Variants in ZC3H14 observed in about 807,000 individuals in gnomAD.
ZC3H14 encodes the protein zinc finger CCCH domain-containing protein 14.
ZC3H14 carries 31 observed loss-of-function variants against 92.4 expected under a neutral mutation model. That is an observed-to-expected ratio of 0.34 (90% CI 0.25 to 0.45). ZC3H14 has a LOEUF of 0.45. Ranked by LOEUF, ZC3H14 falls within the 20% of genes least tolerant of loss-of-function variation. The pLI is 1.00. For synonymous variants in ZC3H14, 321 were observed against 300.9 expected (o/e 1.07, Z -0.69); for missense variants, 781 against 897.3 (o/e 0.87, Z 1.66).
In ZC3H14 at chr14:88,625,259, G is replaced by A. The variant is rs1595242464; in HGVS notation, c.*13508G>A. ...GAGCATGCATCGTGTAGTGGCAGCA[G>A]CACTGAATTCACGAGTCAGGAAACC... is the stretch of plus-strand genomic sequence containing the variant. On this transcript the variant is annotated 3_prime_UTR_variant, in exon 17 of 17. Coordinates refer to ENST00000251038, the MANE Select transcript of ZC3H14 (RefSeq NM_024824.5). The A allele has an allele frequency of 2.8e-6, 3 of 1,061,830 alleles. No individual in the cohort carries two copies. Among genetic ancestry groups the A allele is most frequent in the Admixed American group, 2.9e-5 (1 of 35,064 alleles). The allele number at this position is 1,061,830 out of a possible 1,614,324, so 65.8% of individuals were successfully genotyped here.
At chr14:88,597,824 A>G (rs1353769330) in intron 10 of ZC3H14, among the ~76,000 whole-genome samples, 1 of 152,110 alleles carries the variant, frequency 6.6e-6, no homozygotes, top group Non-Finnish European at 1.5e-5. Flanking sequence ...GCTCTTGTGC[A>G]TGTTTTCTCT....
In ZC3H14 at chr14:88,618,770, C is replaced by G; in HGVS notation, c.*7019C>G. The stretch of plus-strand genomic sequence containing the variant: ...TTAGGTCATAAAAATCCACTGAGTT[C>G]TCACTAGAACCTACTGCCAGATACC... On this transcript the variant is annotated 3_prime_UTR_variant, in exon 17 of 17. Transcript: ENST00000251038. 1 of 1,600,008 alleles carries G rather than the reference C, an allele frequency of 6.2e-7. No individual in the cohort carries two copies. Among genetic ancestry groups the G allele is most frequent in the East Asian group, 2.2e-5 (1 of 44,656 alleles).
At chr14:88,573,620 G>A (rs1405605814) in intron 6 of ZC3H14, 1 of 151,854 alleles carries the variant, frequency 6.6e-6, no homozygotes, top group African/African-American at 2.4e-5. Flanking sequence ...GCAAAGACAG[G>A]GTTTCACCGT....
rs1345417748 is a variant in ZC3H14, at chr14:88,601,983, C to A, written c.1414C>A (p.Pro472Thr). Residue 472 changes from proline to threonine, a missense_variant, in exon 11 of 17, where the codon CCA (proline) becomes ACA (threonine). Transcript: ENST00000251038. ...ADTRSFILKK[P>T]KLSEEVVVAP... ...CACAAGATCATTTATTCTGAAGAAG[C>A]CAAAGCTGTCTGAGGAAGTAGTAGT... The A allele has an allele frequency of 6.2e-7, 1 of 1,614,098 alleles. No homozygotes were observed. The highest frequency in any genetic ancestry group is 1.7e-5 in the Admixed American group (1 of 60,008).
intron 12 of ZC3H14, among the ~76,000 whole-genome samples, chr14:88,603,368 T>C (rs2084907961): frequency 1.3e-5 from 2 of 152,230 alleles, no homozygotes; most frequent in African/African-American, 2.4e-5. Context: ...TTGTATTTTC[T>C]TCAGAAACTG....
chr14:88,601,443 C>T (rs2084633931), intron 10 of ZC3H14, among the ~76,000 whole-genome samples: 2 of 152,124 alleles, frequency 1.3e-5, no homozygotes, highest in Admixed American at 6.6e-5. Context: ...AAGTAGTCCT[C>T]GGTTTATAAC....
At chr14:88,575,490 C>T (rs1015578325) in intron 7 of ZC3H14, among the ~76,000 whole-genome samples, 9 of 151,722 alleles carry the variant, frequency 5.9e-5, no homozygotes, top group South Asian at 2.1e-4. Flanking sequence ...ACCAGGAGTT[C>T]GAGACCAGCC....
At chr14:88,572,461 A>G (rs2080558967) in intron 5 of ZC3H14, 117 bp from the exon 6 acceptor site, 3 of 1,323,868 alleles carry the variant, frequency 2.3e-6, no homozygotes, top group Non-Finnish European at 1.1e-6. Context: ...TGAATGGAAT[A>G]TGTAAAGGGA....
At chr14:88,608,400 GT>G in intron 13 of ZC3H14, 1 of 413,936 alleles carries the variant, frequency 2.4e-6, no homozygotes, top group Non-Finnish European at 4.8e-6. Flanking sequence ...TCAGTTTAGT[GT>G]CTGTATCTTA....
At chr14:88,592,731 C>T (rs140116072) in intron 9 of ZC3H14, among the ~76,000 whole-genome samples, 70 of 151,976 alleles carry the variant, frequency 4.6e-4, no homozygotes, top group African/African-American at 1.6e-3. Context: ...GAACTCCTGA[C>T]CTCAAGTGAT....
rs766470708 is a variant in ZC3H14, at chr14:88,602,010, G to T, written c.1441G>T (p.Ala481Ser). The T allele has an allele frequency of 1.8e-5, 29 of 1,614,022 alleles. No individual in the cohort carries two copies. The highest frequency in any genetic ancestry group is 2.5e-5 in the Non-Finnish European group (29 of 1,180,020). Residue 481 changes from alanine (A) to serine (S), a missense_variant, in exon 11 of 17, where the codon GCA (alanine) becomes TCA (serine). Coordinates refer to ENST00000251038, the MANE Select transcript of ZC3H14 (RefSeq NM_024824.5). ...AAAGCTGTCTGAGGAAGTAGTAGTG[G>T]CACCAAACCAAGAGTCGGGGATGAA... ...KPKLSEEVVV[A>S]PNQESGMKTA...
intron 1 of ZC3H14, 54 bp from the exon 2 acceptor site, chr14:88,563,597 C>G (rs951198825): frequency 3.1e-6 from 5 of 1,605,582 alleles, no homozygotes; most frequent in Non-Finnish European, 4.3e-6. Context: ...AGAGTCCGGT[C>G]TTGTTTTCCT....
chr14:88,622,582 A>T lies in ZC3H14; in HGVS notation c.*10831A>T. On this transcript the variant is annotated 3_prime_UTR_variant, in exon 17 of 17. Coordinates refer to ENST00000251038, the MANE Select transcript of ZC3H14 (RefSeq NM_024824.5). ...CACTTTCTGTTTTCTGCTGCACTGT[A>T]TCAGCTCATGGAACATCTTACTTTG... is the stretch of plus-strand genomic sequence containing the variant. 6.4e-7 allele frequency: 1 copy of T among 1,564,228 alleles called. No homozygotes were observed. Among genetic ancestry groups the T allele is most frequent in the Non-Finnish European group, 8.7e-7 (1 of 1,151,922 alleles).
At chr14:88,572,266 G>GTGTA in intron 5 of ZC3H14, 41 bp downstream of exon 5, 1 of 1,598,838 alleles carries the variant, frequency 6.3e-7, no homozygotes, top group Non-Finnish European at 8.6e-7. Flanking sequence ...AGATGGCTCT[G>GTGTA]TGTATGTGAC....
rs1242879947 is a variant in ZC3H14, at chr14:88,563,158, C to T, written c.25C>T (p.Arg9Cys). 7 of 1,603,770 alleles carry T rather than the reference C, an allele frequency of 4.4e-6. No homozygotes were observed. The highest frequency in any genetic ancestry group is 5.9e-6 in the Non-Finnish European group (7 of 1,177,148). The change falls in exon 1 of 17, where the codon CGC (arginine) becomes TGC (cysteine). Residue 9 changes from arginine (R) to cysteine (C), a missense_variant. This residue lies in a region of ZC3H14 where 106 missense variants were observed against 154.2 expected (regional missense o/e 0.69). Coordinates refer to ENST00000251038, the MANE Select transcript of ZC3H14 (RefSeq NM_024824.5). Reference protein sequence around the residue: MEIGTEISRKIRSAIKGKL... With the variant: MEIGTEISCKIRSAIKGKL... The stretch of plus-strand genomic sequence containing the variant: ...CATGGAGATCGGCACCGAGATCAGC[C>T]GCAAGATCCGGGTGAGGCCCGTGCC...
chr14:88,618,460 C>CACT lies in ZC3H14; in HGVS notation c.*6712_*6714dup. The stretch of plus-strand genomic sequence containing the variant: ...TAACATTATTAAGTATGCAAAAGAT[C>CACT]ACTACAAAAACTTAATAGGAGAAAA... On this transcript the variant is annotated 3_prime_UTR_variant, in exon 17 of 17. Transcript: ENST00000251038. 9.2e-7 allele frequency: 1 copy of CACT among 1,092,538 alleles called. No individual in the cohort carries two copies. The highest frequency in any genetic ancestry group is 1.3e-6 in the Non-Finnish European group (1 of 758,392). 67.7% of individuals were successfully genotyped at this position (1,092,538 alleles called of 1,614,324 possible).
chr14:88,618,172 AT>A lies in ZC3H14; in HGVS notation c.*6425del. On this transcript the variant is annotated 3_prime_UTR_variant, in exon 17 of 17. Transcript: ENST00000251038. ...ATGGCTCTAACAGTTCAGAAATAGG[AT>A]TTTCTAACTGGCCTTCAAAGTCAGT... 1 of 1,469,344 alleles carries A rather than the reference AT, an allele frequency of 6.8e-7. No homozygotes were observed. Among genetic ancestry groups the A allele is most frequent in the Non-Finnish European group, 9.5e-7 (1 of 1,056,788 alleles). The allele number at this position is 1,469,344 out of a possible 1,614,324, so 91.0% of individuals were successfully genotyped here.
chr14:88,567,903 C>T, intron 2 of ZC3H14, 136 bp from the exon 3 acceptor site: 1 of 735,586 alleles, frequency 1.4e-6, no homozygotes. Flanking sequence ...TAAAGCTAAG[C>T]CATCTTGTCC....
In ZC3H14 at chr14:88,616,553, G is replaced by A. The variant is rs142406159; in HGVS notation, c.*4802G>A. On this transcript the variant is annotated 3_prime_UTR_variant, in exon 17 of 17. Transcript: ENST00000251038. ...GATGGTTCCAAAGATGGTATTACTC[G>A]AGGGAGAGGATTTGTTTCTAATAGC... 67 of 664,478 alleles carry A rather than the reference G, an allele frequency of 1.0e-4. 1 individual carries two copies. Among genetic ancestry groups the A allele is most frequent in the African/African-American group, 6.3e-4 (35 of 55,306 alleles). 41.2% of individuals were successfully genotyped at this position (664,478 alleles called of 1,614,324 possible). A position where few individuals can be genotyped will look rare whatever the true frequency, so the allele number is the denominator to read the frequency against.
Sources: gnomAD v4.1 joint callset for allele counts (sites outside exome capture counted in the v4.1 genomes callset) on GRCh38, gnomAD v4.1.1 for gene constraint, gnomAD v4.1.1 regional missense constraint, MANE v1.5 for transcripts, NCBI Gene and HGNC (gene_info 2026-07-23, HGNC 2026-07-21) for gene names.